The following ICAM5 variants were observed in gnomAD, a reference collection of about 807,000 sequenced individuals.
ICAM5 encodes intercellular adhesion molecule 5, also known as ICAM-5.
In ICAM5, 38 loss-of-function variants were observed where a neutral mutation model predicts 78.8. That is an observed-to-expected ratio of 0.48 (90% confidence interval 0.37 to 0.63). The LOEUF (loss-of-function observed/expected upper bound fraction) is 0.63. Ranked by LOEUF, ICAM5 falls within the 30% of genes least tolerant of loss-of-function variation. ICAM5 has a pLI of 0.00. For missense variants in ICAM5, 1,059 were observed against 1,303.0 expected, an observed-to-expected ratio of 0.81 and a Z score of 2.88; for synonymous variants, 544 against 590.9, an observed-to-expected ratio of 0.92 and a Z score of 1.15.
At chr19:10,292,591 G>A (rs781476206) in intron 4 of ICAM5, 21 bp from the exon 5 acceptor site, 6 of 1,544,410 alleles carry the variant, frequency 3.9e-6, no homozygotes, top group Middle Eastern at 3.8e-4. Flanking sequence ...AGTATACTAC[G>A]ACCAAATGCT....
At position 10,292,858 on chromosome 19, in the gene ICAM5, G is replaced by T. The variant is rs1270214438; in HGVS notation, c.1208G>T (p.Arg403Leu). 6.2e-7 allele frequency: 1 copy of T among 1,611,666 alleles called. No individual in the cohort carries two copies. Among genetic ancestry groups the T allele is most frequent in the Non-Finnish European group, 8.5e-7 (1 of 1,179,086 alleles). Reference sequence around the variant, plus strand: ...ATCAAGAACAGGAGCGCAGAGCTTCGTGTCCTATGTGAGTTGGTGATAACC... The same window carrying T: ...ATCAAGAACAGGAGCGCAGAGCTTCTTGTCCTATGTGAGTTGGTGATAACC... ...TLIKNRSAEL[R>L]VLYAPRLDDS... Residue 403 changes from arginine to leucine, a missense_variant, in exon 5 of 11, where the codon CGT becomes CTT. Physicochemically the swap from Arg to Leu is moderately radical, Grantham distance 102 (BLOSUM62 -2). Transcript: ENST00000221980.
At chr19:10,291,022 A>C in intron 1 of ICAM5, 50 bp from the exon 2 acceptor site, 1 of 1,556,090 alleles carries the variant, frequency 6.4e-7, no homozygotes, top group Non-Finnish European at 8.7e-7. Context: ...AGGGGCGCTA[A>C]GATGTCAGGG....
chr19:10,292,503 G>A, intron 4 of ICAM5, 109 bp from the exon 5 acceptor site: 1 of 1,441,528 alleles, frequency 6.9e-7, no homozygotes, highest in Non-Finnish European at 9.4e-7. Flanking sequence ...GCGGGGCGCC[G>A]TACCCTAGTT....
chr19:10,293,426 G>A lies in ICAM5; in HGVS notation c.1465+180G>A, dbSNP rs1728090084. Among the ~76,000 whole-genome samples the A allele has an allele frequency of 6.6e-6, 1 of 152,154 alleles. No homozygotes were observed. Among genetic ancestry groups the A allele is most frequent in the Admixed American group, 6.5e-5 (1 of 15,270 alleles). On this transcript the variant is annotated intron_variant, in intron 6 of 10. Coordinates refer to ENST00000221980, the MANE Select transcript of ICAM5 (RefSeq NM_003259.4). This position sits in a 1 kb window ranked among gnomAD's most constrained non-coding sequence, Gnocchi z 5.0. Reference sequence around the variant, plus strand: ...GGAGGATGGAAGGGACCGGGTGGGCGTGCCCCTAGCCTAGGGCGTGGTATT... The same window carrying A: ...GGAGGATGGAAGGGACCGGGTGGGCATGCCCCTAGCCTAGGGCGTGGTATT...
Position 10,293,627 on chromosome 19 carries a change from C to T in ICAM5, c.1466-71C>T. The T allele has an allele frequency of 6.4e-7, 1 of 1,555,084 alleles. No individual in the cohort carries two copies. Among genetic ancestry groups the T allele is most frequent in the Non-Finnish European group, 8.7e-7 (1 of 1,148,622 alleles). On this transcript the variant is annotated intron_variant, in intron 6 of 10. Coordinates refer to ENST00000221980, the MANE Select transcript of ICAM5 (RefSeq NM_003259.4). This position sits in a 1 kb window ranked among gnomAD's most constrained non-coding sequence, Gnocchi z 5.0. ...ACAACACTTCGTGGAAGCCTTGCCG[C>T]GCCAAGGAGGGTCTAGGGACGTCAG...
chr19:10,292,363 C>A, intron 4 of ICAM5, 41 bp downstream of exon 4: 1 of 1,538,412 alleles, frequency 6.5e-7, no homozygotes, highest in Non-Finnish European at 8.8e-7. Flanking sequence ...CGAGGTGGGA[C>A]CAGAGGAATG....
Position 10,290,028 on chromosome 19 carries a change from T to C in ICAM5, c.-16T>C. The C allele has an allele frequency of 6.5e-7, 1 of 1,536,192 alleles. No homozygotes were observed. The highest frequency in any genetic ancestry group is 1.2e-5 in the South Asian group (1 of 83,606). On this transcript the variant is annotated 5_prime_UTR_variant, in exon 1 of 11. Coordinates refer to ENST00000221980, the MANE Select transcript of ICAM5 (RefSeq NM_003259.4). This position sits in a 1 kb window ranked among gnomAD's most constrained non-coding sequence, Gnocchi z 5.7. ...CTCGCGCTCTCCTCGCCTCCTGTGC[T>C]TTCCCCGCCGCGGCGATGCCAGGGC...
intron 9 of ICAM5, among the ~76,000 whole-genome samples, chr19:10,295,044 G>A (rs2040209129): frequency 6.6e-6 from 1 of 152,178 alleles, no homozygotes; most frequent in Admixed American, 6.5e-5. Context: ...GCAACAGAGT[G>A]AGACTCTTTC....
In ICAM5 at chr19:10,291,561, G is replaced by A. The variant is rs1232892953; in HGVS notation, c.425G>A (p.Cys142Tyr). Residue 142 changes from cysteine (C) to tyrosine (Y), a missense_variant, in exon 3 of 11, where the codon TGT becomes TAT. Around this residue, in one of 3 missense-constraint regions of ICAM5, gnomAD observed 815 missense variants for 952.8 expected, o/e 0.86. Transcript: ENST00000221980. ...GTGGGCGAGAACTTCACCCTGAGCT[G>A]TAGGGTCCCCGGCGCCGGGCCCCGT... ...QPVGENFTLS[C>Y]RVPGAGPRAS... 5.6e-6 allele frequency: 9 copies of A among 1,612,588 alleles called. No homozygotes were observed. The highest frequency in any genetic ancestry group is 5.9e-6 in the Non-Finnish European group (7 of 1,179,934).
Position 10,292,625 on chromosome 19 carries a change from A to G in ICAM5, c.975A>G (p.Pro325=), listed in dbSNP as rs2040183586. Reference sequence around the variant, plus strand: ...CTCCGCCCCCAGGCTTCCCGGCACCACTCCTGACCCTGAGCGAACCCAGCG... The same window carrying G: ...CTCCGCCCCCAGGCTTCCCGGCACCGCTCCTGACCCTGAGCGAACCCAGCG... ...ENVTIYSFPA[P]LLTLSEPSVS... The change falls in exon 5 of 11, where the codon CCA becomes CCG. Residue 325 remains proline (P), a synonymous_variant. Transcript: ENST00000221980. 1 of 1,570,030 alleles carries G rather than the reference A, an allele frequency of 6.4e-7. No individual in the cohort carries two copies. The highest frequency in any genetic ancestry group is 1.9e-5 in the Admixed American group (1 of 51,740).
rs141583702 is a variant in ICAM5, at chr19:10,294,191, G to A, written c.1863G>A (p.Pro621=). 2 of 1,613,962 alleles carry A rather than the reference G, an allele frequency of 1.2e-6. No homozygotes were observed. The highest frequency in any genetic ancestry group is 1.1e-5 in the South Asian group (1 of 91,080). The change falls in exon 8 of 11, where the codon CCG becomes CCA. Residue 621 remains proline, a synonymous_variant. Transcript: ENST00000221980. The surrounding 1 kb of genome is among the most constrained non-coding windows in gnomAD (Gnocchi z 7.7). ...GCGCCACTGAGGGGGTGCTGCTGCC[G>A]CTGGCACCCCCAGACCCTAGTCCCA... is the stretch of plus-strand genomic sequence containing the variant. ...SGGATEGVLL[P]LAPPDPSPRA... is the part of the protein sequence containing the mutation.
In ICAM5 at chr19:10,294,363, C is replaced by G; in HGVS notation, c.1991-38C>G. ...GTAGGGAGCAGGGGTGCCCCACGGT[C>G]CAGGCACTCCCTGACATCCCCCATG... On this transcript the variant is annotated intron_variant, in intron 8 of 10. Coordinates refer to ENST00000221980, the MANE Select transcript of ICAM5 (RefSeq NM_003259.4). The surrounding 1 kb of genome is among the most constrained non-coding windows in gnomAD (Gnocchi z 7.7). 1 of 1,612,786 alleles carries G rather than the reference C, an allele frequency of 6.2e-7. No homozygotes were observed. The highest frequency in any genetic ancestry group is 8.5e-7 in the Non-Finnish European group (1 of 1,179,622).
Position 10,291,577 on chromosome 19 carries a change from C to T in ICAM5, c.441C>T (p.Ala147=), listed in dbSNP as rs770864531. The change falls in exon 3 of 11, where the codon GCC becomes GCT. Residue 147 remains alanine, a synonymous_variant. Coordinates refer to ENST00000221980, the MANE Select transcript of ICAM5 (RefSeq NM_003259.4). The stretch of plus-strand genomic sequence containing the variant: ...CCCTGAGCTGTAGGGTCCCCGGCGC[C>T]GGGCCCCGTGCGAGCCTCACGCTGA... ...NFTLSCRVPG[A]GPRASLTLTL... The T allele has an allele frequency of 6.2e-7, 1 of 1,612,460 alleles. No individual in the cohort carries two copies. The highest frequency in any genetic ancestry group is 1.7e-5 in the Admixed American group (1 of 60,018).
rs143181516 is a variant in ICAM5, at chr19:10,293,136, T to C, written c.1355T>C (p.Leu452Pro). ...GCGCGCTCCGACGGCGGGGCCGTGC[T>C]GGCTCTGGGCCTGCTGGGTCCAGTC... is the stretch of plus-strand genomic sequence containing the variant. ...HCARSDGGAV[L>P]ALGLLGPVTR... is the part of the protein sequence containing the mutation. The change falls in exon 6 of 11, where the codon CTG (leucine) becomes CCG (proline). Residue 452 changes from leucine to proline, a missense_variant. By Grantham distance (98) the Leu-to-Pro change is moderately conservative. This residue lies in a region of ICAM5 where 815 missense variants were observed against 952.8 expected (regional missense o/e 0.86). Coordinates refer to ENST00000221980, the MANE Select transcript of ICAM5 (RefSeq NM_003259.4). The surrounding 1 kb of genome is among the most constrained non-coding windows in gnomAD (Gnocchi z 5.0). 22 of 1,610,286 alleles carry C rather than the reference T, an allele frequency of 1.4e-5. No individual in the cohort carries two copies. The African/African-American group carries it at 2.8e-4, about 20-fold the overall frequency.
At chr19:10,291,409 C>T (rs896448620) in intron 2 of ICAM5, 68 bp downstream of exon 2, 2 of 1,606,116 alleles carry the variant, frequency 1.2e-6, no homozygotes, top group Non-Finnish European at 1.7e-6. Flanking sequence ...CCCCCTGGGT[C>T]CCAGGGTCCT....
chr19:10,294,141 A>C lies in ICAM5; in HGVS notation c.1813A>C (p.Ser605Arg). The C allele has an allele frequency of 6.2e-7, 1 of 1,609,956 alleles. No homozygotes were observed. Among genetic ancestry groups the C allele is most frequent in the South Asian group, 1.1e-5 (1 of 90,756 alleles). Residue 605 changes from serine to arginine, a missense_variant, in exon 8 of 11, where the codon AGC becomes CGC. Physicochemically the swap from Ser to Arg is moderately radical, Grantham distance 110 (BLOSUM62 -1). Around this residue, in one of 3 missense-constraint regions of ICAM5, gnomAD observed 815 missense variants for 952.8 expected, o/e 0.86. Coordinates refer to ENST00000221980, the MANE Select transcript of ICAM5 (RefSeq NM_003259.4). This position sits in a 1 kb window ranked among gnomAD's most constrained non-coding sequence, Gnocchi z 7.7. ...SCEVDGKPQP[S>R]VKCVGSGGAT... The stretch of plus-strand genomic sequence containing the variant: ...TGAGGTCGATGGGAAGCCACAGCCA[A>C]GCGTGAAGTGCGTGGGCTCCGGGGG...
chr19:10,292,495 G>T (rs922292112), intron 4 of ICAM5, 117 bp from the exon 5 acceptor site: 33 of 1,427,078 alleles, frequency 2.3e-5, no homozygotes, highest in Non-Finnish European at 3.0e-5. Flanking sequence ...CCTGAGAGGC[G>T]GGGCGCCGTA....
chr19:10,294,210 A>G lies in ICAM5; in HGVS notation c.1882A>G (p.Ser628Gly). The change falls in exon 8 of 11, where the codon AGT (serine) becomes GGT (glycine). Residue 628 changes from serine (S) to glycine (G), a missense_variant. By Grantham distance (56) the Ser-to-Gly change is moderately conservative. This residue lies in a region of ICAM5 where 815 missense variants were observed against 952.8 expected (regional missense o/e 0.86). Coordinates refer to ENST00000221980, the MANE Select transcript of ICAM5 (RefSeq NM_003259.4). This position sits in a 1 kb window ranked among gnomAD's most constrained non-coding sequence, Gnocchi z 7.7. ...GCTGCCGCTGGCACCCCCAGACCCT[A>G]GTCCCAGAGCTCCCAGAATCCCTAG... is the stretch of plus-strand genomic sequence containing the variant. ...VLLPLAPPDP[S>G]PRAPRIPRVL... is the part of the protein sequence containing the mutation. 6.2e-7 allele frequency: 1 copy of G among 1,614,022 alleles called. No individual in the cohort carries two copies. The highest frequency in any genetic ancestry group is 1.7e-5 in the Admixed American group (1 of 60,016).
chr19:10,296,497 G>C lies in ICAM5; in HGVS notation c.2656G>C (p.Gly886Arg). ...CTCAGGCGAGGCCGTGTGTCTGAACGGAGCGGGCGGCGGCGCTGGCGGGGC... is the reference window on the plus strand; with the variant it reads ...CTCAGGCGAGGCCGTGTGTCTGAACCGAGCGGGCGGCGGCGCTGGCGGGGC... ...ESSGEAVCLN[G>R]AGGGAGGAAG... The change falls in exon 11 of 11, where the codon GGA becomes CGA. Residue 886 changes from glycine to arginine, a missense_variant. Gly to Arg is a moderately radical substitution (Grantham distance 125). Transcript: ENST00000221980. The C allele has an allele frequency of 8.1e-7, 1 of 1,241,102 alleles. No homozygotes were observed. The highest frequency in any genetic ancestry group is 1.0e-6 in the Non-Finnish European group (1 of 975,914). 76.9% of individuals were successfully genotyped at this position (1,241,102 alleles called of 1,614,324 possible).
Sources: allele counts gnomAD v4.1 joint callset (sites outside exome capture counted in the v4.1 genomes callset), GRCh38; gene constraint gnomAD v4.1.1; regional missense constraint gnomAD v4.1.1; non-coding constraint Gnocchi (gnomAD v3.1); transcripts MANE v1.5; gene names NCBI Gene and HGNC (gene_info 2026-07-23, HGNC 2026-07-21).